The following SLC14A2 variants were observed in gnomAD, a reference collection of about 807,000 sequenced individuals.
The protein encoded by SLC14A2 is solute carrier family 14 member 2.
SLC14A2 carries 91 observed loss-of-function variants against 104.6 expected under a neutral mutation model. That is an observed-to-expected ratio of 0.87 (90% CI 0.73 to 1.04). The LOEUF is 1.04. SLC14A2 is among the 50% of genes least tolerant of loss of function. SLC14A2 has a pLI of 0.00. For synonymous variants in SLC14A2, 476 were observed against 466.4 expected (o/e 1.02, Z -0.27); for missense variants, 1,189 against 1,156.0 (o/e 1.03, Z -0.41).
At chr18:45,365,693 C>G (rs1294728162) in intron 1 of SLC14A2, among the ~76,000 whole-genome samples, 1 of 152,180 alleles carries the variant, frequency 6.6e-6, no homozygotes, top group African/African-American at 2.4e-5. Context: ...TTGGGCAACA[C>G]TTTTGGTGAA....
At chr18:45,575,013 C>T (rs908294833) in intron 2 of SLC14A2, among the ~76,000 whole-genome samples, 2 of 152,174 alleles carry the variant, frequency 1.3e-5, no homozygotes, top group South Asian at 2.1e-4. Flanking sequence ...CTGTCCACAC[C>T]GACCATGGAA....
intron 10 of SLC14A2, among the ~76,000 whole-genome samples, chr18:45,648,340 G>C (rs1215357206): frequency 6.6e-6 from 1 of 151,664 alleles, no homozygotes; most frequent in Non-Finnish European, 1.5e-5. Flanking sequence ...AGATTAGCTG[G>C]GACTACAGGC....
At chr18:45,454,896 G>T (rs951289394) in intron 1 of SLC14A2, among the ~76,000 whole-genome samples, 1 of 152,118 alleles carries the variant, frequency 6.6e-6, no homozygotes, top group African/African-American at 2.4e-5. Context: ...ATGCTGTTTT[G>T]GTTACTGTAG....
intron 2 of SLC14A2, among the ~76,000 whole-genome samples, chr18:45,526,204 A>G (rs2043592642): frequency 6.6e-6 from 1 of 152,204 alleles, no homozygotes. Context: ...TCTTCCCAAC[A>G]GTGACCCCTC....
chr18:45,505,270 G>A (rs2043264221), intron 2 of SLC14A2, among the ~76,000 whole-genome samples: 1 of 152,126 alleles, frequency 6.6e-6, no homozygotes, highest in Non-Finnish European at 1.5e-5. Flanking sequence ...AGATGGGGCA[G>A]GGATTGTCCC....
At chr18:45,567,673 G>T (rs772740751) in intron 2 of SLC14A2, among the ~76,000 whole-genome samples, 2 of 152,040 alleles carry the variant, frequency 1.3e-5, no homozygotes, top group Non-Finnish European at 2.9e-5. Flanking sequence ...GCTGTCCTGC[G>T]TCAAGCAAGC....
intron 1 of SLC14A2, among the ~76,000 whole-genome samples, chr18:45,334,617 G>T (rs1389806951): frequency 1.3e-5 from 2 of 152,112 alleles, no homozygotes; most frequent in Non-Finnish European, 2.9e-5. Context: ...GTACATTCTA[G>T]ATGACCCCTC....
At chr18:45,465,878 G>A (rs991037439) in intron 1 of SLC14A2, among the ~76,000 whole-genome samples, 2 of 151,938 alleles carry the variant, frequency 1.3e-5, no homozygotes, top group Non-Finnish European at 2.9e-5. Flanking sequence ...GTGTCACGTT[G>A]CAAATATAAG....
intron 2 of SLC14A2, among the ~76,000 whole-genome samples, chr18:45,512,776 T>C (rs2043384144): frequency 6.6e-6 from 1 of 152,116 alleles, no homozygotes; most frequent in African/African-American, 2.4e-5. Context: ...AAATCTGTCT[T>C]AGAGGATGAG....
intron 10 of SLC14A2, among the ~76,000 whole-genome samples, chr18:45,661,807 T>G (rs2144616929): frequency 6.6e-6 from 1 of 152,308 alleles, no homozygotes; most frequent in Admixed American, 6.5e-5. Flanking sequence ...CCCCTCATCA[T>G]CCTGCATGAA....
chr18:45,275,659 A>G (rs141174786), intron 1 of SLC14A2, among the ~76,000 whole-genome samples: 43 of 152,330 alleles, frequency 2.8e-4, no homozygotes, highest in African/African-American at 1.0e-3. Context: ...AGGTGCTCCA[A>G]AAAAGTGACT....
intron 2 of SLC14A2, among the ~76,000 whole-genome samples, chr18:45,544,630 T>A (rs183003755): frequency 2.7e-4 from 41 of 152,156 alleles, no homozygotes; most frequent in African/African-American, 9.4e-4. Flanking sequence ...GGAATAACCA[T>A]CTTCACTACC....
At chr18:45,313,825 G>C (rs1306771714) in intron 1 of SLC14A2, among the ~76,000 whole-genome samples, 2 of 152,140 alleles carry the variant, frequency 1.3e-5, no homozygotes, top group Admixed American at 6.5e-5. Context: ...TTTTGTCTCT[G>C]TGTAATCAGA....
intron 4 of SLC14A2, among the ~76,000 whole-genome samples, chr18:45,629,908 G>C (rs1294052528): frequency 1.3e-5 from 2 of 152,108 alleles, no homozygotes; most frequent in Non-Finnish European, 2.9e-5. Context: ...TTTGTCCCTA[G>C]TTAAGTACTT....
intron 1 of SLC14A2, among the ~76,000 whole-genome samples, chr18:45,229,620 T>C (rs985015278): frequency 6.6e-6 from 1 of 152,130 alleles, no homozygotes; most frequent in African/African-American, 2.4e-5. Flanking sequence ...CTACTTTTCC[T>C]ACTTGTATCT....
At chr18:45,668,681 C>T (rs1202214803) in intron 15 of SLC14A2, among the ~76,000 whole-genome samples, 2 of 152,210 alleles carry the variant, frequency 1.3e-5, no homozygotes, top group Non-Finnish European at 2.9e-5. Context: ...TAGCGACCAC[C>T]CTTTATTATT....
upstream of SLC14A2, among the ~76,000 whole-genome samples, chr18:45,212,271 T>A (rs1033312928): frequency 2.6e-5 from 4 of 152,210 alleles, no homozygotes; most frequent in Admixed American, 2.6e-4. Context: ...GGAGTTAATT[T>A]GCACATTGTA....
At chr18:45,299,732 G>T (rs2084950077) in intron 1 of SLC14A2, among the ~76,000 whole-genome samples, 1 of 152,182 alleles carries the variant, frequency 6.6e-6, no homozygotes, top group Non-Finnish European at 1.5e-5. Context: ...AAAGTGCTGG[G>T]ATTACAGGTG....
intron 2 of SLC14A2, among the ~76,000 whole-genome samples, chr18:45,495,347 C>A (rs908026433): frequency 6.6e-6 from 1 of 152,266 alleles, no homozygotes; most frequent in East Asian, 1.9e-4. Context: ...AATACAATGG[C>A]CGGGGCCTCA....
Sources: gnomAD v4.1 joint callset for allele counts (sites outside exome capture counted in the v4.1 genomes callset) on GRCh38, gnomAD v4.1.1 for gene constraint, MANE v1.5 for transcripts, NCBI Gene and HGNC (gene_info 2026-07-23, HGNC 2026-07-21) for gene names.